Variants in MAOA observed in about 807,000 individuals in gnomAD.
MAOA encodes amine oxidase [flavin-containing] A.
Under a neutral mutation model 42.0 loss-of-function variants are expected in MAOA, and 6 were observed. The ratio of observed to expected loss-of-function variants is 0.14; its 90% CI spans 0.08 to 0.28. The LOEUF is 0.28. Among genes scored for constraint, MAOA ranks in the 10% least tolerant of loss-of-function variants. MAOA has a pLI of 1.00. For missense variants in MAOA, 262 were observed against 422.3 expected, an observed-to-expected ratio of 0.62 and a Z score of 3.33; for synonymous variants, 140 against 154.0, an observed-to-expected ratio of 0.91 and a Z score of 0.67.
chrX:43,659,903 C>A (rs1473338713), intron 1 of MAOA, among the ~76,000 whole-genome samples: 1 of 111,407 alleles, frequency 9.0e-6, no homozygotes, highest in Non-Finnish European at 1.9e-5. Flanking sequence ...CTCCCCCCAT[C>A]ACCAGGACAG....
chrX:43,736,307 T>C (rs969725812), intron 10 of MAOA, 27 bp downstream of exon 10: 1 of 1,068,857 alleles, frequency 9.4e-7, no homozygotes, highest in African/African-American at 1.8e-5. Flanking sequence ...GAAAAATAGA[T>C]GAAAAAGTTA....
chrX:43,703,595 T>C lies in MAOA; in HGVS notation c.307-8277T>C, dbSNP rs993501427. 4.5e-5 allele frequency among the ~76,000 whole-genome samples: 5 copies of C among 112,268 alleles called. No individual in the cohort carries two copies. In the Admixed American group the frequency reaches 4.7e-4, roughly 11 times the overall value. The stretch of plus-strand genomic sequence containing the variant: ...ATTTTCCTGTGTTATGTCATACTTC[T>C]GCCAGTGCAAGCCAGAATGTGAAGA... On this transcript the variant is annotated intron_variant, in intron 3 of 14. Transcript: ENST00000338702.
intron 2 of MAOA, among the ~76,000 whole-genome samples, chrX:43,693,024 A>G (rs1400607123): frequency 9.0e-6 from 1 of 111,693 alleles, no homozygotes; most frequent in East Asian, 2.8e-4. Context: ...AACATACTAC[A>G]GTGTTCTTTA....
rs922913592 is a variant in MAOA at position 43,745,528 on chromosome X, A to T, written c.*1015A>T. ...ACCTCTGCATAAATATTAGCAAAGCATGCCAATTTCTCTTAAGTACTGAAA... is the reference window on the plus strand; with the variant it reads ...ACCTCTGCATAAATATTAGCAAAGCTTGCCAATTTCTCTTAAGTACTGAAA... On this transcript the variant is annotated 3_prime_UTR_variant, in exon 15 of 15. Coordinates refer to ENST00000338702, the MANE Select transcript of MAOA (RefSeq NM_000240.4). 6.2e-5 allele frequency: 7 copies of T among 112,368 alleles called. No homozygotes were observed. In the East Asian group the frequency reaches 1.4e-3, roughly 22 times the overall value. The allele number at this position is 112,368 out of a possible 1,213,427, so 9.3% of individuals were successfully genotyped here. A position where few individuals can be genotyped will look rare whatever the true frequency, so the allele number is the denominator to read the frequency against.
intron 1 of MAOA, among the ~76,000 whole-genome samples, chrX:43,679,767 A>G (rs1318108816): frequency 8.9e-6 from 1 of 112,016 alleles, no homozygotes; most frequent in Admixed American, 9.4e-5. Context: ...AAACTTTTGC[A>G]TCTGAGTTTC....
At chrX:43,726,122 A>T (rs574192357) in intron 5 of MAOA, among the ~76,000 whole-genome samples, 4 of 109,991 alleles carry the variant, frequency 3.6e-5, no homozygotes, top group African/African-American at 1.3e-4. Context: ...CTTCATTTCA[A>T]CCTTGGTGAA....
intron 3 of MAOA, among the ~76,000 whole-genome samples, chrX:43,694,931 G>T (rs1238696122): frequency 2.7e-5 from 3 of 111,797 alleles, no homozygotes; most frequent in African/African-American, 9.8e-5. Flanking sequence ...AGTTTACCTG[G>T]AGGCTAACAA....
At chrX:43,681,398 C>T (rs939496167) in intron 1 of MAOA, among the ~76,000 whole-genome samples, 4 of 110,952 alleles carry the variant, frequency 3.6e-5, no homozygotes, top group African/African-American at 1.3e-4. Flanking sequence ...TCTTTATCTC[C>T]ATGCTAAAAA....
intron 1 of MAOA, among the ~76,000 whole-genome samples, chrX:43,667,313 CTTTA>C (rs1260874753): frequency 1.8e-5 from 2 of 110,572 alleles, no homozygotes; most frequent in Admixed American, 1.9e-4. Flanking sequence ...ATATTTATTC[CTTTA>C]TTTGTCTCTC....
chrX:43,728,075 A>G, intron 5 of MAOA, 98 bp from the exon 6 acceptor site: 3 of 891,031 alleles, frequency 3.4e-6, no homozygotes, highest in Non-Finnish European at 4.9e-6. Context: ...TTGCAACAGA[A>G]AAACTTTCTG....
intron 1 of MAOA, among the ~76,000 whole-genome samples, chrX:43,680,921 G>A (rs1465577764): frequency 9.0e-6 from 1 of 111,319 alleles, no homozygotes; most frequent in African/African-American, 3.3e-5. Context: ...GGTGGAAAAT[G>A]AGAGTTTTTG....
chrX:43,732,727 T>C lies in MAOA; in HGVS notation c.984T>C (p.Asp328=). The C allele has an allele frequency of 8.3e-7, 1 of 1,208,824 alleles. No homozygotes were observed. Among genetic ancestry groups the C allele is most frequent in the Non-Finnish European group, 1.1e-6 (1 of 892,817 alleles). ...ACTGTGGCTGCATGATCATTGAAGATGAAGATGCTCCAATTTCAATAACCT... is the reference window on the plus strand; with the variant it reads ...ACTGTGGCTGCATGATCATTGAAGACGAAGATGCTCCAATTTCAATAACCT... The part of the protein sequence containing the change: ...KDYCGCMIIE[D]EDAPISITLD... The change falls in exon 9 of 15, where the codon GAT becomes GAC. Residue 328 remains aspartate (D), a synonymous_variant. Transcript: ENST00000338702.
rs762042526 is a variant in MAOA, at chrX:43,744,135, C to T, written c.1401C>T (p.Thr467=). Residue 467 remains threonine, a synonymous_variant, in exon 14 of 15, where the codon ACC becomes ACT. Transcript: ENST00000338702. ...TCTTAAATGGTCTCGGGAAGGTGACCGAGAAAGATATCTGGGTACAAGAAC... is the reference window on the plus strand; with the variant it reads ...TCTTAAATGGTCTCGGGAAGGTGACTGAGAAAGATATCTGGGTACAAGAAC... The part of the protein sequence containing the change: ...REVLNGLGKV[T]EKDIWVQEPE... 37 of 1,206,746 alleles carry T rather than the reference C, an allele frequency of 3.1e-5. No homozygotes were observed. In the East Asian group the frequency reaches 3.9e-4, roughly 13 times the overall value.
At chrX:43,724,822 T>A (rs1248210163) in intron 5 of MAOA, among the ~76,000 whole-genome samples, 1 of 112,264 alleles carries the variant, frequency 8.9e-6, no homozygotes, top group Non-Finnish European at 1.9e-5. Flanking sequence ...GTGCTATAAA[T>A]TTTCTTCTAC....
At chrX:43,722,100 T>G (rs2033795159) in intron 5 of MAOA, among the ~76,000 whole-genome samples, 1 of 112,047 alleles carries the variant, frequency 8.9e-6, no homozygotes, top group African/African-American at 3.3e-5. Flanking sequence ...TTGATGGGCA[T>G]TTGGGTTGGT....
At chrX:43,735,840 C>T (rs930886465) in intron 9 of MAOA, among the ~76,000 whole-genome samples, 17 of 112,336 alleles carry the variant, frequency 1.5e-4, no homozygotes, top group Non-Finnish European at 2.6e-4. Flanking sequence ...ACCGTGGCCT[C>T]CACTACAGAC....
At chrX:43,726,760 G>T (rs2033839834) in intron 5 of MAOA, among the ~76,000 whole-genome samples, 1 of 111,971 alleles carries the variant, frequency 8.9e-6, no homozygotes, top group Non-Finnish European at 1.9e-5. Flanking sequence ...AGGCGTTCTG[G>T]TTTTTGGAAT....
In MAOA at chrX:43,745,629, G is replaced by T. The variant is rs1601952122; in HGVS notation, c.*1116G>T. On this transcript the variant is annotated 3_prime_UTR_variant, in exon 15 of 15. Coordinates refer to ENST00000338702, the MANE Select transcript of MAOA (RefSeq NM_000240.4). ...AAATTAGGGCTCTAATTTCCTTAAA[G>T]CAAGCTCACTTGCTTTAGTTGTTAA... 9.0e-6 allele frequency: 1 copy of T among 111,100 alleles called. No homozygotes were observed. Among genetic ancestry groups the T allele is most frequent in the African/African-American group, 3.3e-5 (1 of 30,524 alleles). 9.2% of individuals were successfully genotyped at this position (111,100 alleles called of 1,213,427 possible).
At chrX:43,728,853 A>G (rs1178859683) in intron 6 of MAOA, among the ~76,000 whole-genome samples, 2 of 112,973 alleles carry the variant, frequency 1.8e-5, no homozygotes, top group South Asian at 3.6e-4. Context: ...CCCAGTTTCC[A>G]TATCATTTCC....
Sources: allele counts gnomAD v4.1 joint callset (sites outside exome capture counted in the v4.1 genomes callset), GRCh38; gene constraint gnomAD v4.1.1; transcripts MANE v1.5; gene names NCBI Gene and HGNC (gene_info 2026-07-23, HGNC 2026-07-21).